PCTP: variants seen among roughly 807,000 people sequenced by gnomAD.
The protein encoded by PCTP is START domain-containing protein 2.
In PCTP, 27 loss-of-function variants were observed where a neutral mutation model predicts 31.0. The ratio of observed to expected loss-of-function variants is 0.87; its 90% CI spans 0.64 to 1.20. The LOEUF (loss-of-function observed/expected upper bound fraction) is 1.20. PCTP is among the 50% of genes most tolerant of loss of function. The pLI is 0.00. For missense variants in PCTP, 287 were observed against 268.2 expected (o/e 1.07, Z -0.49); for synonymous variants, 108 against 101.2 (o/e 1.07, Z -0.40).
intron 5 of PCTP, among the ~76,000 whole-genome samples, chr17:55,835,820 A>G (rs1195298075): frequency 1.3e-5 from 2 of 152,148 alleles, no homozygotes; most frequent in East Asian, 1.9e-4. Flanking sequence ...GATAGTCCCA[A>G]TAGGAGTTGG....
rs74733833 is a variant in PCTP at position 55,757,229 on chromosome 17, CAT to C, written c.141+5991_141+5992del. On this transcript the variant is annotated intron_variant, in intron 1 of 5. Transcript: ENST00000268896. ...GTGTGTATATATGTATATATATACA[CAT>C]ATATACATGTATACATATATACACA... is the stretch of plus-strand genomic sequence containing the variant. Among the ~76,000 whole-genome samples the C allele has an allele frequency of 3.7e-3, 559 of 149,634 alleles. 21 individuals carry two copies. In the East Asian group the frequency reaches 0.088, roughly 23 times the overall value.
chr17:55,844,497 G>A (rs895644787), downstream of PCTP, among the ~76,000 whole-genome samples: 34 of 152,130 alleles, frequency 2.2e-4, no homozygotes, highest in South Asian at 2.1e-4. Flanking sequence ...ATTCATAGAA[G>A]CTTAGAGTTT....
chr17:55,840,432 A>G (rs1905937242), intron 5 of PCTP, among the ~76,000 whole-genome samples: 1 of 152,264 alleles, frequency 6.6e-6, no homozygotes. Flanking sequence ...CATGTAGATA[A>G]TTAATCCAAA....
At chr17:55,848,498 T>C in the PCTP span, among the ~76,000 whole-genome samples, 1 of 152,188 alleles carries the variant, frequency 6.6e-6, no homozygotes. Context: ...TGAGAGCAGA[T>C]GGGACAGATT....
intron 2 of PCTP, among the ~76,000 whole-genome samples, chr17:55,768,200 T>A (rs1338257361): frequency 6.6e-6 from 1 of 152,204 alleles, no homozygotes; most frequent in Admixed American, 6.5e-5. Flanking sequence ...GCATTTTAAA[T>A]GTTGGACTGA....
chr17:55,790,676 C>T (rs1435385355), intron 3 of PCTP, among the ~76,000 whole-genome samples: 2 of 151,602 alleles, frequency 1.3e-5, no homozygotes, highest in Non-Finnish European at 2.9e-5. Context: ...AATGGAAGAA[C>T]ATTCCATGCA....
chr17:55,808,728 G>A (rs1912653294), intron 3 of PCTP, among the ~76,000 whole-genome samples: 1 of 152,078 alleles, frequency 6.6e-6, no homozygotes. Context: ...GTAACTAAGG[G>A]GCAGTAATAC....
intron 3 of PCTP, among the ~76,000 whole-genome samples, chr17:55,791,816 A>G (rs1444052338): frequency 6.6e-6 from 1 of 152,086 alleles, no homozygotes; most frequent in East Asian, 1.9e-4. Flanking sequence ...GTATATACCC[A>G]AAGGACTATA....
intron 3 of PCTP, among the ~76,000 whole-genome samples, chr17:55,794,226 A>T (rs571957631): frequency 6.6e-6 from 1 of 152,204 alleles, no homozygotes; most frequent in East Asian, 1.9e-4. Context: ...CATAACCATC[A>T]TAAAGCCTAT....
At chr17:55,807,994 T>C (rs752740088) in intron 3 of PCTP, among the ~76,000 whole-genome samples, 15 of 152,194 alleles carry the variant, frequency 9.9e-5, no homozygotes, top group Admixed American at 3.9e-4. Context: ...AAAATAATGC[T>C]TTTAATAATG....
intron 3 of PCTP, among the ~76,000 whole-genome samples, chr17:55,794,424 A>G (rs1470679312): frequency 6.6e-6 from 1 of 150,950 alleles, no homozygotes; most frequent in Admixed American, 6.6e-5. Context: ...AATTTGTTTA[A>G]CCCGTCTCTT....
Position 55,776,922 on chromosome 17 carries a change from C to A in PCTP, c.*822C>A, listed in dbSNP as rs2144977685. The A allele has an allele frequency of 4.0e-6, 4 of 988,826 alleles. No homozygotes were observed. The highest frequency in any genetic ancestry group is 9.4e-5 in the South Asian group (2 of 21,308). 61.3% of individuals were successfully genotyped at this position (988,826 alleles called of 1,614,324 possible). A position where few individuals can be genotyped will look rare whatever the true frequency, so the allele number is the denominator to read the frequency against. Reference sequence around the variant, plus strand: ...GCGTCAAGATGGCTGTGGCAGCTAGCAAAAGCAAAGATGCTTTGTGCATAG... The same window carrying A: ...GCGTCAAGATGGCTGTGGCAGCTAGAAAAAGCAAAGATGCTTTGTGCATAG... On this transcript the variant is annotated 3_prime_UTR_variant, in exon 6 of 6. Coordinates refer to ENST00000268896, the MANE Select transcript of PCTP (RefSeq NM_021213.4).
At chr17:55,773,280 G>A (rs941847985) in intron 3 of PCTP, among the ~76,000 whole-genome samples, 3 of 152,162 alleles carry the variant, frequency 2.0e-5, no homozygotes, top group African/African-American at 7.2e-5. Flanking sequence ...TCTGTCGAGT[G>A]CTTACTCTGC....
At chr17:55,819,018 A>C in intron 3 of PCTP, among the ~76,000 whole-genome samples, 1 of 125,820 alleles carries the variant, frequency 7.9e-6, no homozygotes, top group African/African-American at 3.2e-5. Context: ...ATCAAAAAAA[A>C]AAAAAAAAAA....
Position 55,776,299 on chromosome 17 carries a change from C to T in PCTP, c.*199C>T. ...ATCCTTTCTAAGCATGTTTGCCTGA[C>T]ATCCAGCTCACTCGTCTGCTTCCTT... On this transcript the variant is annotated 3_prime_UTR_variant, in exon 6 of 6. Transcript: ENST00000268896. 2 of 1,370,702 alleles carry T rather than the reference C, an allele frequency of 1.5e-6. No homozygotes were observed. Among genetic ancestry groups the T allele is most frequent in the Non-Finnish European group, 1.9e-6 (2 of 1,064,820 alleles). The allele number at this position is 1,370,702 out of a possible 1,614,324, so 84.9% of individuals were successfully genotyped here.
At chr17:55,790,128 A>C (rs1911904533) in intron 3 of PCTP, among the ~76,000 whole-genome samples, 1 of 152,224 alleles carries the variant, frequency 6.6e-6, no homozygotes, top group Non-Finnish European at 1.5e-5. Flanking sequence ...AACTCTCAAT[A>C]AATTAGGTAT....
intron 3 of PCTP, among the ~76,000 whole-genome samples, chr17:55,791,504 C>T (rs1162542768): frequency 1.4e-5 from 2 of 147,672 alleles, no homozygotes; most frequent in Non-Finnish European, 3.0e-5. Flanking sequence ...AGGACATGAA[C>T]AGACACTTCT....
At chr17:55,802,533 G>A (rs983863943) in intron 3 of PCTP, among the ~76,000 whole-genome samples, 2 of 152,122 alleles carry the variant, frequency 1.3e-5, no homozygotes, top group African/African-American at 2.4e-5. Context: ...TGGTCAAGTC[G>A]GCTTTATCCC....
intron 1 of PCTP, among the ~76,000 whole-genome samples, chr17:55,756,952 G>A (rs1001107415): frequency 3.9e-5 from 6 of 152,212 alleles, no homozygotes; most frequent in African/African-American, 1.4e-4. Flanking sequence ...CTGGCCAGGT[G>A]ATATTGATCA....
Sources: allele counts gnomAD v4.1 joint callset (sites outside exome capture counted in the v4.1 genomes callset), GRCh38; gene constraint gnomAD v4.1.1; transcripts MANE v1.5; gene names NCBI Gene and HGNC (gene_info 2026-07-23, HGNC 2026-07-21).